The following EPN3 variants were observed in gnomAD, a reference collection of about 807,000 sequenced individuals.
EPN3 encodes epsin 3.
A neutral mutation model predicts 55.5 loss-of-function variants in EPN3; 56 were observed. The observed-to-expected ratio is 1.01, with a 90% confidence interval of 0.81 to 1.26. The LOEUF (loss-of-function observed/expected upper bound fraction) is 1.26, where lower values mean the gene tolerates loss of function less well. Ranked by LOEUF, EPN3 falls within the 50% of genes most tolerant of loss-of-function variation. The pLI is 0.00. For synonymous variants in EPN3, 449 were observed against 375.2 expected (o/e 1.20, Z -2.27); for missense variants, 927 against 853.4 (o/e 1.09, Z -1.07).
At chr17:50,541,125 C>A in intron 7 of EPN3, 63 bp downstream of exon 7, 1 of 1,583,588 alleles carries the variant, frequency 6.3e-7, no homozygotes, top group South Asian at 1.2e-5. Context: ...GGCCAAGGGG[C>A]AGCAGATACT....
At chr17:50,541,092 G>A (rs368629968) in intron 7 of EPN3, 30 bp downstream of exon 7, 11 of 1,568,170 alleles carry the variant, frequency 7.0e-6, no homozygotes, top group Middle Eastern at 1.7e-4. Flanking sequence ...GTGTGAGTGA[G>A]GAGCTGGGGG....
intron 3 of EPN3, 119 bp from the exon 4 acceptor site, chr17:50,538,765 C>A: frequency 1.5e-6 from 1 of 685,214 alleles, no homozygotes; most frequent in Non-Finnish European, 2.4e-6. Context: ...GCAAATGGCC[C>A]ATGCACACTG....
Position 50,540,868 on chromosome 17 carries a change from G to C in EPN3, c.1055G>C (p.Gly352Ala). The change falls in exon 7 of 10, where the codon GGA (glycine) becomes GCA (alanine). Residue 352 changes from glycine (G) to alanine (A), a missense_variant. Transcript: ENST00000268933. ...SADPWSPIPS[G>A]TVLSRSQPWD... ...GACCCCTGGTCTCCGATCCCCTCAG[G>C]AACCGTCCTGTCCCGAAGCCAGCCC... 1 of 1,614,172 alleles carries C rather than the reference G, an allele frequency of 6.2e-7. No homozygotes were observed. The highest frequency in any genetic ancestry group is 1.7e-5 in the Admixed American group (1 of 60,032).
rs2034763398 is a variant in EPN3 at position 50,536,495 on chromosome 17, A to G, written c.-62A>G. The G allele has an allele frequency of 6.2e-7, 1 of 1,603,380 alleles. No individual in the cohort carries two copies. Among genetic ancestry groups the G allele is most frequent in the African/African-American group, 1.3e-5 (1 of 74,244 alleles). ...TCCTTCAAGACTGTGACCTCGCCACAGTGGCCCTCAGCCCTCCACCTCCGG... is the reference window on the plus strand; with the variant it reads ...TCCTTCAAGACTGTGACCTCGCCACGGTGGCCCTCAGCCCTCCACCTCCGG... On this transcript the variant is annotated 5_prime_UTR_variant, in exon 2 of 10. Coordinates refer to ENST00000268933, the MANE Select transcript of EPN3 (RefSeq NM_017957.3).
At position 50,540,785 on chromosome 17, in the gene EPN3, CATTTCAGGTTTTAGGCCG is replaced by C; in HGVS notation, c.980-6_991del. 1 of 1,602,730 alleles carries C rather than the reference CATTTCAGGTTTTAGGCCG, an allele frequency of 6.2e-7. No homozygotes were observed. The highest frequency in any genetic ancestry group is 1.3e-5 in the African/African-American group (1 of 74,848). On this transcript the variant is annotated splice_acceptor_variant and splice_polypyrimidine_tract_variant and coding_sequence_variant and intron_variant, in exon 7 of 10. Transcript: ENST00000268933. LOFTEE classifies it high-confidence loss of function. ...CCTGGGATCATGTCTATGCTGTTCC[CATTTCAGGTTTTAGGCCG>C]AACACAGAGGCCAGTGGATCCTCCT...
chr17:50,540,450 T>C, intron 6 of EPN3, 116 bp downstream of exon 6: 1 of 982,812 alleles, frequency 1.0e-6, no homozygotes, highest in Non-Finnish European at 1.5e-6. Context: ...GGCAAGTCAC[T>C]CACCACCTTG....
chr17:50,542,252 A>C lies in EPN3; in HGVS notation c.*95A>C. On this transcript the variant is annotated 3_prime_UTR_variant, in exon 10 of 10. Coordinates refer to ENST00000268933, the MANE Select transcript of EPN3 (RefSeq NM_017957.3). ...CTGGGCGGGGCGCCGGTGCTAGTGG[A>C]ACGCCGAGCCAGTGGCGGCTGGTAT... 1 of 1,305,122 alleles carries C rather than the reference A, an allele frequency of 7.7e-7. No individual in the cohort carries two copies. The highest frequency in any genetic ancestry group is 9.9e-7 in the Non-Finnish European group (1 of 1,009,986). The allele number at this position is 1,305,122 out of a possible 1,614,324, so 80.8% of individuals were successfully genotyped here.
At position 50,536,239 on chromosome 17, in the gene EPN3, A is replaced by T. The variant is rs965972408; in HGVS notation, c.-136-182A>T. Reference sequence around the variant, plus strand: ...ATCTTTGGGGTGTGGCTGTGAAGATAGATAGATGAGCATGCAAAGCTCCAA... The same window carrying T: ...ATCTTTGGGGTGTGGCTGTGAAGATTGATAGATGAGCATGCAAAGCTCCAA... On this transcript the variant is annotated intron_variant, in intron 1 of 9. Transcript: ENST00000268933. The T allele has an allele frequency of 7.2e-5, 27 of 374,978 alleles. No individual in the cohort carries two copies. In the Admixed American group the frequency reaches 1.1e-3, roughly 15 times the overall value. 23.2% of individuals were successfully genotyped at this position (374,978 alleles called of 1,614,324 possible). A position where few individuals can be genotyped will look rare whatever the true frequency, so the allele number is the denominator to read the frequency against.
At chr17:50,541,786 G>A (rs2034852432) in intron 9 of EPN3, 58 bp from the exon 10 acceptor site, 2 of 1,608,526 alleles carry the variant, frequency 1.2e-6, no homozygotes, top group African/African-American at 2.7e-5. Flanking sequence ...CAACTTCCAC[G>A]ACCTCCCGGT....
Position 50,540,929 on chromosome 17 carries a change from C to T in EPN3, c.1116C>T (p.Pro372=). ...DLTPMLSSSE[P]WGRTPVLPAG... is the part of the protein sequence containing the mutation. ...CTCCCATGCTCTCCTCCTCTGAGCC[C>T]TGGGGCAGGACCCCAGTGCTGCCTG... Residue 372 remains proline, a synonymous_variant, in exon 7 of 10, where the codon CCC becomes CCT. Transcript: ENST00000268933. The T allele has an allele frequency of 6.2e-7, 1 of 1,614,056 alleles. No homozygotes were observed. The highest frequency in any genetic ancestry group is 1.6e-4 in the Middle Eastern group (1 of 6,062).
At chr17:50,538,256 T>A in intron 3 of EPN3, 59 bp downstream of exon 3, 3 of 1,401,186 alleles carry the variant, frequency 2.1e-6, no homozygotes, top group Non-Finnish European at 3.0e-6. Flanking sequence ...AGAGAGTGCC[T>A]GGGAGCCCCT....
At chr17:50,540,447 C>A in intron 6 of EPN3, 113 bp downstream of exon 6, 5 of 989,302 alleles carry the variant, frequency 5.1e-6, no homozygotes, top group South Asian at 3.1e-5. Flanking sequence ...CCGGGCAAGT[C>A]ACTCACCACC....
chr17:50,538,973 C>A lies in EPN3; in HGVS notation c.762+9C>A. On this transcript the variant is annotated intron_variant, in intron 4 of 9. Coordinates refer to ENST00000268933, the MANE Select transcript of EPN3 (RefSeq NM_017957.3). ...GGCAGGAGCACGAGAAGGTAGTGGG[C>A]CGAGCCCGCTGGGCTGCCGGTGCTG... 1 of 1,593,846 alleles carries A rather than the reference C, an allele frequency of 6.3e-7. No homozygotes were observed. Among genetic ancestry groups the A allele is most frequent in the Non-Finnish European group, 8.6e-7 (1 of 1,169,052 alleles).
intron 2 of EPN3, 160 bp downstream of exon 2, chr17:50,537,278 G>C (rs1315221581): frequency 1.4e-6 from 1 of 717,890 alleles, no homozygotes; most frequent in Non-Finnish European, 2.2e-6. Context: ...CCGGCACATA[G>C]GAGGTGCTCA....
rs149276132 is a variant in EPN3, at chr17:50,541,572, A to C, written c.1463A>C (p.Lys488Thr). 1 of 1,614,082 alleles carries C rather than the reference A, an allele frequency of 6.2e-7. No individual in the cohort carries two copies. The highest frequency in any genetic ancestry group is 8.5e-7 in the Non-Finnish European group (1 of 1,179,998). Residue 488 changes from lysine (K) to threonine (T), a missense_variant, in exon 9 of 10, where the codon AAA becomes ACA. Coordinates refer to ENST00000268933, the MANE Select transcript of EPN3 (RefSeq NM_017957.3). Reference protein sequence around the residue: ...ILGEALTQPSKEARACRTPES... With the variant: ...ILGEALTQPSTEARACRTPES... ...GGGGAAGCACTAACCCAGCCAAGCAAAGAGGCCCGAGCTTGCCGGACTCCC... is the reference window on the plus strand; with the variant it reads ...GGGGAAGCACTAACCCAGCCAAGCACAGAGGCCCGAGCTTGCCGGACTCCC...
Position 50,533,197 on chromosome 17 carries a change from ACTTAGCATCTTTGGTGGCAT to A in EPN3, c.-137+233_-137+252del, listed in dbSNP as rs1471613117. ...GGGCCCCCTCCCCAACCATCCTGGG[ACTTAGCATCTTTGGTGGCAT>A]CTTAGCATCTTTGGTGGCATTCCCC... On this transcript the variant is annotated intron_variant, in intron 1 of 9. Transcript: ENST00000268933. 7.3e-5 allele frequency among the ~76,000 whole-genome samples: 11 copies of A among 150,096 alleles called. No individual in the cohort carries two copies. The East Asian group carries it at 8.0e-4, about 11-fold the overall frequency.
intron 6 of EPN3, among the ~76,000 whole-genome samples, 173 bp from the exon 7 acceptor site, chr17:50,540,620 G>C (rs546522773): frequency 6.6e-6 from 1 of 152,336 alleles, no homozygotes; most frequent in South Asian, 2.1e-4. Context: ...GCAGGTCCCA[G>C]TTCCTGGGGT....
Position 50,541,270 on chromosome 17 carries a change from T to A in EPN3, c.1291T>A (p.Ser431Thr). ...TGACCCATTTGCCAAACCTCCAGAA[T>A]CCACAGAGACCAAGGAGGGGCTGGA... The part of the protein sequence containing the change: ...TFDPFAKPPE[S>T]TETKEGLEQA... Residue 431 changes from serine (S) to threonine (T), a missense_variant, in exon 8 of 10, where the codon TCC becomes ACC. By Grantham distance (58) the Ser-to-Thr change is moderately conservative (BLOSUM62 1). Transcript: ENST00000268933. 1 of 1,613,462 alleles carries A rather than the reference T, an allele frequency of 6.2e-7. No homozygotes were observed. The highest frequency in any genetic ancestry group is 8.5e-7 in the Non-Finnish European group (1 of 1,179,974).
intron 1 of EPN3, 73 bp from the exon 2 acceptor site, chr17:50,536,348 T>G: frequency 7.3e-5 from 91 of 1,251,530 alleles, no homozygotes; most frequent in Non-Finnish European, 8.7e-5. Flanking sequence ...CCAGGCCTCA[T>G]TTAGTTGGTC....
Sources: allele counts gnomAD v4.1 joint callset (sites outside exome capture counted in the v4.1 genomes callset), GRCh38; gene constraint gnomAD v4.1.1; transcripts MANE v1.5; gene names NCBI Gene and HGNC (gene_info 2026-07-23, HGNC 2026-07-21).